TNS4: variants seen among roughly 807,000 people sequenced by gnomAD.
The protein encoded by TNS4 is tensin-4.
TNS4 carries 46 observed loss-of-function variants against 70.4 expected under a neutral mutation model. The ratio of observed to expected loss-of-function variants is 0.65; its 90% CI spans 0.52 to 0.84. The LOEUF is 0.84. TNS4 is among the 40% of genes least tolerant of loss of function. The pLI is 0.00. For synonymous variants in TNS4, 390 were observed against 366.6 expected (o/e 1.06, Z -0.73); for missense variants, 863 against 907.0 (o/e 0.95, Z 0.62).
chr17:40,488,870 C>G lies in TNS4; in HGVS notation c.539G>C (p.Arg180Pro), dbSNP rs369999773. The change falls in exon 3 of 13, where the codon CGC (arginine) becomes CCC (proline). Residue 180 changes from arginine to proline, a missense_variant. Transcript: ENST00000254051. ...TCTGGAAAGGAGGAGGCCACCACTG[C>G]GAAGGGAGCCGAAGGGCGGGGTGAC... ...PSVTPPFGSL[R>P]SGGLLLSRDV... is the part of the protein sequence containing the mutation. The G allele has an allele frequency of 6.2e-7, 1 of 1,613,090 alleles. No homozygotes were observed. Among genetic ancestry groups the G allele is most frequent in the South Asian group, 1.1e-5 (1 of 91,010 alleles).
rs374981750 is a variant in TNS4 at position 40,487,379 on chromosome 17, G to A, written c.945C>T (p.Ser315=). Residue 315 remains serine, a synonymous_variant, in exon 4 of 13, where the codon TCC becomes TCT. Coordinates refer to ENST00000254051, the MANE Select transcript of TNS4 (RefSeq NM_032865.6). ...ACACTGAGCCAAGGCTGTGGAGGCTGGAGGAAGAGTTGGCTGGACTTTCCA... is the reference window on the plus strand; with the variant it reads ...ACACTGAGCCAAGGCTGTGGAGGCTAGAGGAAGAGTTGGCTGGACTTTCCA... ...RSLESPANSS[S]SLHSLGSVSL... 2.2e-5 allele frequency: 35 copies of A among 1,614,162 alleles called. No individual in the cohort carries two copies. The African/African-American group carries it at 4.0e-4, about 18-fold the overall frequency.
At chr17:40,497,917 T>G (rs577760965) in intron 1 of TNS4, among the ~76,000 whole-genome samples, 1 of 152,334 alleles carries the variant, frequency 6.6e-6, no homozygotes, top group African/African-American at 2.4e-5. Flanking sequence ...CCTCCTCATT[T>G]TCCTTACTGT....
At chr17:40,489,677 C>T (rs1336630667) in intron 2 of TNS4, among the ~76,000 whole-genome samples, 1 of 151,848 alleles carries the variant, frequency 6.6e-6, no homozygotes, top group East Asian at 1.9e-4. Context: ...CACCTGTAAT[C>T]CCAGCTACTT....
chr17:40,497,619 CAAAT>C (rs890641728), intron 1 of TNS4, among the ~76,000 whole-genome samples: 1 of 151,746 alleles, frequency 6.6e-6, no homozygotes, highest in African/African-American at 2.4e-5. Flanking sequence ...AACAAATAAA[CAAAT>C]AAATAAACAA....
chr17:40,477,936 CT>C (rs2035870226), intron 12 of TNS4: 1 of 611,238 alleles, frequency 1.6e-6, no homozygotes, highest in Non-Finnish European at 2.9e-6. Flanking sequence ...AGTTCAAGCT[CT>C]GGGTTTCCTT....
chr17:40,490,473 G>C lies in TNS4; in HGVS notation c.440-1504C>G, dbSNP rs1362780658. Among the ~76,000 whole-genome samples the C allele has an allele frequency of 2.0e-5, 3 of 152,224 alleles. No homozygotes were observed. The East Asian group carries it at 5.8e-4, about 29-fold the overall frequency. On this transcript the variant is annotated intron_variant, in intron 2 of 12. Transcript: ENST00000254051. ...TCTAGCTTCCTGGGATGGAGGCTGGGGAAATTGGGGAGAACGTGCACCCTC... is the reference window on the plus strand; with the variant it reads ...TCTAGCTTCCTGGGATGGAGGCTGGCGAAATTGGGGAGAACGTGCACCCTC...
rs773573709 is a variant in TNS4, at chr17:40,477,683, C to G, written c.2053G>C (p.Val685Leu). ...TCATACTCCGCAAAGAGGTGGCATA[C>G]GTTCTCCTGAGGCTCTGTCTGGCTC... ...AKSQTEPQEN[V>L]CHLFAEYDMV... is the part of the protein sequence containing the mutation. Residue 685 changes from valine to leucine, a missense_variant, in exon 13 of 13, where the codon GTA becomes CTA. By Grantham distance (32) the Val-to-Leu change is conservative. Coordinates refer to ENST00000254051, the MANE Select transcript of TNS4 (RefSeq NM_032865.6). 1 of 1,613,626 alleles carries G rather than the reference C, an allele frequency of 6.2e-7. No homozygotes were observed. Among genetic ancestry groups the G allele is most frequent in the African/African-American group, 1.3e-5 (1 of 74,830 alleles).
intron 7 of TNS4, 29 bp downstream of exon 7, chr17:40,482,295 G>C (rs368816872): frequency 3.7e-6 from 6 of 1,613,610 alleles, no homozygotes; most frequent in South Asian, 3.3e-5. Context: ...CCCCCATCCC[G>C]GGGGAGCCTG....
chr17:40,482,762 A>G (rs938214463), intron 6 of TNS4, among the ~76,000 whole-genome samples: 6 of 151,488 alleles, frequency 4.0e-5, no homozygotes, highest in Non-Finnish European at 7.4e-5. Context: ...TGGGTGACAC[A>G]GTGAGACTCT....
chr17:40,490,980 C>T (rs117521227), intron 2 of TNS4, among the ~76,000 whole-genome samples: 1,524 of 152,270 alleles, frequency 0.01, 9 homozygotes, highest in Non-Finnish European at 0.014. Context: ...GAGCCCTTTT[C>T]TGGCTAAGGT....
At chr17:40,485,668 T>G (rs1230400391) in intron 4 of TNS4, among the ~76,000 whole-genome samples, 1 of 152,188 alleles carries the variant, frequency 6.6e-6, no homozygotes, top group Non-Finnish European at 1.5e-5. Context: ...GGGGTATAGT[T>G]GGTGATATTA....
intron 9 of TNS4, 59 bp from the exon 10 acceptor site, chr17:40,479,901 C>T: frequency 1.3e-6 from 2 of 1,530,736 alleles, no homozygotes; most frequent in South Asian, 1.2e-5. Flanking sequence ...TCTCCCTCTG[C>T]CCAGGGCCAG....
At chr17:40,478,277 G>T in intron 12 of TNS4, 30 bp downstream of exon 12, 3 of 1,613,914 alleles carry the variant, frequency 1.9e-6, no homozygotes, top group East Asian at 2.2e-5. Flanking sequence ...CCCATGTTGG[G>T]TTTGGGGCCC....
chr17:40,491,947 TC>T (rs2036074687), intron 2 of TNS4, among the ~76,000 whole-genome samples: 1 of 152,072 alleles, frequency 6.6e-6, no homozygotes, highest in East Asian at 1.9e-4. Flanking sequence ...GGGGGCCTGT[TC>T]CAAAGATGGG....
chr17:40,476,184 G>A lies in TNS4; in HGVS notation c.*1404C>T, dbSNP rs1375735631. On this transcript the variant is annotated 3_prime_UTR_variant, in exon 13 of 13. Coordinates refer to ENST00000254051, the MANE Select transcript of TNS4 (RefSeq NM_032865.6). ...CACCCCGGTAGGGTGGTTTCCTTAGGAACTCAGGCCTGCGGGAGAAATGGT... is the reference window on the plus strand; with the variant it reads ...CACCCCGGTAGGGTGGTTTCCTTAGAAACTCAGGCCTGCGGGAGAAATGGT... 7.9e-6 allele frequency: 1 copy of A among 127,278 alleles called. No individual in the cohort carries two copies. Among genetic ancestry groups the A allele is most frequent in the Non-Finnish European group, 1.6e-5 (1 of 63,216 alleles). 7.9% of individuals were successfully genotyped at this position (127,278 alleles called of 1,614,324 possible). A position where few individuals can be genotyped will look rare whatever the true frequency, so the allele number is the denominator to read the frequency against.
intron 10 of TNS4, among the ~76,000 whole-genome samples, chr17:40,479,088 C>A (rs1268746383): frequency 4.6e-5 from 7 of 152,178 alleles, no homozygotes; most frequent in African/African-American, 1.7e-4. Context: ...GGAAGATGTT[C>A]CATCAATGGG....
chr17:40,493,549 T>C (rs1331213955), intron 2 of TNS4, among the ~76,000 whole-genome samples: 1 of 152,166 alleles, frequency 6.6e-6, no homozygotes, highest in East Asian at 1.9e-4. Flanking sequence ...TAGGAGGTAG[T>C]GAGCTCCCAG....
chr17:40,495,522 C>A (rs534369019), intron 2 of TNS4, among the ~76,000 whole-genome samples: 1 of 152,286 alleles, frequency 6.6e-6, no homozygotes, highest in African/African-American at 2.4e-5. Context: ...ATGCCCCAAT[C>A]CTACCATTTC....
At position 40,484,538 on chromosome 17, in the gene TNS4, A is replaced by G; in HGVS notation, c.1447T>C (p.Phe483Leu). 6.2e-7 allele frequency: 1 copy of G among 1,612,836 alleles called. No individual in the cohort carries two copies. The change falls in exon 6 of 13, where the codon TTC becomes CTC. Residue 483 changes from phenylalanine to leucine, a missense_variant. Physicochemically the swap from Phe to Leu is conservative, Grantham distance 22. Transcript: ENST00000254051. Reference sequence around the variant, plus strand: ...TCCTGCACCTTCAGGGCCAGGCCGAAGGAGCCTCGGTATGAAGAGCTGTCC... The same window carrying G: ...TCCTGCACCTTCAGGGCCAGGCCGAGGGAGCCTCGGTATGAAGAGCTGTCC... ...IRDSSSYRGS[F>L]GLALKVQEVP...
Sources: allele counts gnomAD v4.1 joint callset (sites outside exome capture counted in the v4.1 genomes callset), GRCh38; gene constraint gnomAD v4.1.1; transcripts MANE v1.5; gene names NCBI Gene and HGNC (gene_info 2026-07-23, HGNC 2026-07-21).